The following NELL1 variants were observed in gnomAD, a reference collection of about 807,000 sequenced individuals.
NELL1 encodes the protein protein kinase C-binding protein NELL1.
NELL1 carries 76 observed loss-of-function variants against 107.4 expected under a neutral mutation model. The observed-to-expected ratio is 0.71, with a 90% CI of 0.59 to 0.86. NELL1 has a LOEUF of 0.86. Ranked by LOEUF, NELL1 falls within the 40% of genes least tolerant of loss-of-function variation. The pLI, the probability that NELL1 is intolerant of heterozygous loss-of-function variation, is 0.00. For missense variants in NELL1, 1,024 were observed against 1,005.5 expected, an observed-to-expected ratio of 1.02 and a Z score of -0.25; for synonymous variants, 353 against 341.2, an observed-to-expected ratio of 1.03 and a Z score of -0.38.
At chr11:21,090,456 G>A (rs1854495609) in intron 12 of NELL1, among the ~76,000 whole-genome samples, 1 of 152,146 alleles carries the variant, frequency 6.6e-6, no homozygotes, top group African/African-American at 2.4e-5. Context: ...AAGCATTTAT[G>A]TTCATGGTGT....
At chr11:21,288,038 GAAAAAAT>G (rs113864854) in intron 14 of NELL1, among the ~76,000 whole-genome samples, 3 of 18,870 alleles carry the variant, frequency 1.6e-4, no homozygotes, top group South Asian at 1.8e-3. Context: ...AGGAAAGAAA[GAAAAAAT>G]AAGGGAAGGA....
chr11:20,996,234 T>G (rs2896624), intron 12 of NELL1, among the ~76,000 whole-genome samples: 9,975 of 152,260 alleles, frequency 0.066, 435 homozygotes, highest in South Asian at 0.17. Context: ...ATTCAAAGTT[T>G]AAAGCTTCCT....
intron 2 of NELL1, among the ~76,000 whole-genome samples, chr11:20,733,130 G>C (rs1351444975): frequency 6.6e-6 from 1 of 152,116 alleles, no homozygotes; most frequent in Non-Finnish European, 1.5e-5. Flanking sequence ...AAGTGTGTTA[G>C]CTCCCCGCTT....
intron 2 of NELL1, among the ~76,000 whole-genome samples, chr11:20,681,988 A>G (rs1373727697): frequency 6.6e-6 from 1 of 152,106 alleles, no homozygotes; most frequent in Non-Finnish European, 1.5e-5. Flanking sequence ...GGAACCACCC[A>G]GGTAATCTAA....
At chr11:21,501,756 G>A (rs1332012990) in intron 15 of NELL1, among the ~76,000 whole-genome samples, 2 of 152,144 alleles carry the variant, frequency 1.3e-5, no homozygotes, top group African/African-American at 4.8e-5. Flanking sequence ...CTATTCACAG[G>A]AGTGATCTGT....
chr11:21,280,638 T>C (rs1483358491), intron 14 of NELL1, among the ~76,000 whole-genome samples: 1 of 152,028 alleles, frequency 6.6e-6, no homozygotes, highest in Non-Finnish European at 1.5e-5. Context: ...GGAGGGAGTA[T>C]TTAAACCAGC....
chr11:21,550,234 A>G (rs145263802), intron 16 of NELL1, among the ~76,000 whole-genome samples: 9 of 152,138 alleles, frequency 5.9e-5, no homozygotes, highest in South Asian at 2.1e-4. Context: ...TAGATTCTGG[A>G]TATTAGCCCT....
chr11:20,980,887 C>T (rs761213180), intron 12 of NELL1, among the ~76,000 whole-genome samples: 7 of 152,174 alleles, frequency 4.6e-5, no homozygotes, highest in Non-Finnish European at 8.8e-5. Context: ...GAGTTATGAA[C>T]AGAAGCAATG....
chr11:21,501,213 A>T (rs1855132375), intron 15 of NELL1, among the ~76,000 whole-genome samples: 1 of 152,158 alleles, frequency 6.6e-6, no homozygotes, highest in African/African-American at 2.4e-5. Flanking sequence ...AAGATATCTC[A>T]GAAACTTTTC....
intron 3 of NELL1, among the ~76,000 whole-genome samples, chr11:20,845,823 CCTT>C (rs1848693717): frequency 6.6e-6 from 1 of 152,080 alleles, no homozygotes; most frequent in South Asian, 2.1e-4. Flanking sequence ...TATTTTACTT[CCTT>C]CTTCACTAGT....
At chr11:21,406,375 A>C (rs1374201268) in intron 15 of NELL1, among the ~76,000 whole-genome samples, 1 of 150,832 alleles carries the variant, frequency 6.6e-6, no homozygotes, top group Non-Finnish European at 1.5e-5. Context: ...TCCCCAATTG[A>C]GGGATTGCTT....
At chr11:21,565,041 G>T (rs1856938056) in intron 17 of NELL1, among the ~76,000 whole-genome samples, 1 of 151,892 alleles carries the variant, frequency 6.6e-6, no homozygotes, top group South Asian at 2.1e-4. Flanking sequence ...GGAACAGTCT[G>T]GTCTGTGCCT....
chr11:21,238,493 C>T (rs963929532), intron 14 of NELL1, among the ~76,000 whole-genome samples: 1 of 151,738 alleles, frequency 6.6e-6, no homozygotes, highest in Non-Finnish European at 1.5e-5. Flanking sequence ...AGAAGGATGA[C>T]CAGAGAAGAG....
intron 16 of NELL1, among the ~76,000 whole-genome samples, chr11:21,547,669 T>C (rs1856477162): frequency 6.6e-6 from 1 of 151,994 alleles, no homozygotes; most frequent in Non-Finnish European, 1.5e-5. Flanking sequence ...TTTCTGCTGT[T>C]CCTTTTGCTT....
At chr11:21,185,398 G>A (rs558897854) in intron 13 of NELL1, among the ~76,000 whole-genome samples, 2 of 149,182 alleles carry the variant, frequency 1.3e-5, no homozygotes, top group South Asian at 4.3e-4. Flanking sequence ...AGGTTGAAGC[G>A]ATTCTCCTGC....
In NELL1 at chr11:21,575,375, CATAAT is replaced by C. The variant is rs1217856560; in HGVS notation, c.*355_*359del. ...TTTTTTGGTTTATTTTGTGTACTAACATAATAGAGAGAGACTCAGCTCCTTTTATT... is the reference window on the plus strand; with the variant it reads ...TTTTTTGGTTTATTTTGTGTACTAACAGAGAGAGACTCAGCTCCTTTTATT... On this transcript the variant is annotated 3_prime_UTR_variant, in exon 20 of 20. Transcript: ENST00000357134. The C allele has an allele frequency of 2.7e-5, 5 of 187,954 alleles. No individual in the cohort carries two copies. Among genetic ancestry groups the C allele is most frequent in the Admixed American group, 1.2e-4 (2 of 17,370 alleles). The allele number at this position is 187,954 out of a possible 1,614,324, so 11.6% of individuals were successfully genotyped here. A position where few individuals can be genotyped will look rare whatever the true frequency, so the allele number is the denominator to read the frequency against.
Position 20,726,944 on chromosome 11 carries a change from G to A in NELL1, c.184+48884G>A, listed in dbSNP as rs554524212. ...CATGAACTCATCTTTTTTTATGGCT[G>A]CATAGTATTCCATGGTGTATATGTG... On this transcript the variant is annotated intron_variant, in intron 2 of 19. Transcript: ENST00000357134. Among the ~76,000 whole-genome samples the A allele has an allele frequency of 5.3e-5, 8 of 152,242 alleles. No homozygotes were observed. The South Asian group carries it at 1.7e-3, about 32-fold the overall frequency.
chr11:21,400,875 G>A (rs1246570250), intron 15 of NELL1, among the ~76,000 whole-genome samples: 1 of 151,902 alleles, frequency 6.6e-6, no homozygotes, highest in African/African-American at 2.4e-5. Context: ...ACAGCACTAG[G>A]CTTAGAAGGC....
intron 14 of NELL1, among the ~76,000 whole-genome samples, chr11:21,292,352 C>T (rs1849287711): frequency 6.6e-6 from 1 of 152,054 alleles, no homozygotes; most frequent in African/African-American, 2.4e-5. Flanking sequence ...AATAAAATAC[C>T]TAGGAATACA....
Sources: allele counts gnomAD v4.1 joint callset (sites outside exome capture counted in the v4.1 genomes callset), GRCh38; gene constraint gnomAD v4.1.1; transcripts MANE v1.5; gene names NCBI Gene and HGNC (gene_info 2026-07-23, HGNC 2026-07-21).